Variants in ZNF451 observed in about 807,000 individuals in gnomAD.
ZNF451 encodes the protein E3 SUMO-protein ligase ZNF451.
In ZNF451, 80 loss-of-function variants were observed where a neutral mutation model predicts 107.1. The observed-to-expected ratio is 0.75, with a 90% confidence interval of 0.62 to 0.90. ZNF451 has a LOEUF of 0.90. Ranked by LOEUF, ZNF451 falls within the 40% of genes least tolerant of loss-of-function variation. The pLI is 0.00. For missense variants in ZNF451, 1,107 were observed against 1,236.2 expected (o/e 0.90, Z 1.57); for synonymous variants, 362 against 406.5 (o/e 0.89, Z 1.32).
At chr6:57,124,893 T>TA in intron 4 of ZNF451, 34 bp downstream of exon 4, 3 of 1,313,140 alleles carry the variant, frequency 2.3e-6, no homozygotes, top group Non-Finnish European at 3.0e-6. Flanking sequence ...TTTATATAAT[T>TA]AAAAAATTAT....
At position 57,106,392 on chromosome 6, in the gene ZNF451, C is replaced by G. The variant is rs1303886028; in HGVS notation, c.186+7251C>G. On this transcript the variant is annotated intron_variant, in intron 3 of 14. Transcript: ENST00000370706. Reference sequence around the variant, plus strand: ...TGGCACGATCTTGGCTGACTGCAACCGCCACCTCCCGGGTTCAAGCAATTC... The same window carrying G: ...TGGCACGATCTTGGCTGACTGCAACGGCCACCTCCCGGGTTCAAGCAATTC... The G allele has an allele frequency of 3.8e-6, 3 of 780,528 alleles. No individual in the cohort carries two copies. The African/African-American group carries it at 5.7e-5, about 15-fold the overall frequency. 48.4% of individuals were successfully genotyped at this position (780,528 alleles called of 1,614,324 possible).
chr6:57,138,741 A>ATATGTGTGTG (rs1365084616), intron 7 of ZNF451, among the ~76,000 whole-genome samples: 4 of 46,588 alleles, frequency 8.6e-5, no homozygotes, highest in Non-Finnish European at 1.1e-4. Context: ...ATATATATAT[A>ATATGTGTGTG]TGTGTGTGTG....
At chr6:57,152,158 A>G (rs1832380667) in intron 11 of ZNF451, 63 bp from the exon 12 acceptor site, 1 of 1,525,666 alleles carries the variant, frequency 6.6e-7, no homozygotes. Context: ...TTTTTTCTTG[A>G]TAAAATTTTT....
At chr6:57,150,908 A>G (rs773417479) in intron 11 of ZNF451, 46 bp downstream of exon 11, 28 of 1,609,164 alleles carry the variant, frequency 1.7e-5, no homozygotes, top group Admixed American at 1.2e-4. Flanking sequence ...CCCACCTCTT[A>G]GAATATAGTT....
At chr6:57,159,534 T>A in intron 13 of ZNF451, 1 of 366,616 alleles carries the variant, frequency 2.7e-6, no homozygotes, top group Non-Finnish European at 3.8e-6. Flanking sequence ...AGTTTTTTTT[T>A]TTTTTTTTTT....
chr6:57,117,985 C>T (rs1210525612), intron 3 of ZNF451, among the ~76,000 whole-genome samples: 3 of 152,100 alleles, frequency 2.0e-5, no homozygotes, highest in East Asian at 3.9e-4. Flanking sequence ...ACAGGAATTT[C>T]GGAGAGATGA....
intron 3 of ZNF451, chr6:57,102,460 T>C (rs1829653380): frequency 1.0e-6 from 1 of 999,208 alleles, no homozygotes; most frequent in Non-Finnish European, 1.2e-6. Context: ...AACTGAGGAC[T>C]AGCAGATTTT....
chr6:57,122,123 AAAC>A (rs1033000093), intron 3 of ZNF451, among the ~76,000 whole-genome samples: 2 of 150,012 alleles, frequency 1.3e-5, no homozygotes, highest in African/African-American at 5.1e-5. Context: ...CGACAAAAAT[AAAC>A]AATCGAGAAA....
At position 57,134,856 on chromosome 6, in the gene ZNF451, C is replaced by G; in HGVS notation, c.688C>G (p.His230Asp). 1 of 1,606,534 alleles carries G rather than the reference C, an allele frequency of 6.2e-7. No homozygotes were observed. Among genetic ancestry groups the G allele is most frequent in the Non-Finnish European group, 8.5e-7 (1 of 1,175,130 alleles). The change falls in exon 7 of 15, where the codon CAC (histidine) becomes GAC (aspartate). Residue 230 changes from histidine to aspartate, a missense_variant. By Grantham distance (81) the His-to-Asp change is moderately conservative. Coordinates refer to ENST00000370706, the MANE Select transcript of ZNF451 (RefSeq NM_001031623.3). Reference sequence around the variant, plus strand: ...TGTTACTCAACAACAATATAGAGATCACCTTTTTGATAAGGTAAGAGCATG... The same window carrying G: ...TGTTACTCAACAACAATATAGAGATGACCTTTTTGATAAGGTAAGAGCATG... ...KFVTQQQYRD[H>D]LFDKEATDDG...
At chr6:57,103,752 T>C in intron 3 of ZNF451, 2 of 985,284 alleles carry the variant, frequency 2.0e-6, no homozygotes, top group Non-Finnish European at 2.4e-6. Context: ...TGTTTTACGG[T>C]TTATGTGGCT....
At chr6:57,105,283 C>T in intron 3 of ZNF451, 1 of 984,714 alleles carries the variant, frequency 1.0e-6, no homozygotes, top group Non-Finnish European at 1.2e-6. Flanking sequence ...CTTGATTCTT[C>T]AAAATGTTAT....
chr6:57,148,490 A>C lies in ZNF451; in HGVS notation c.2405A>C (p.Glu802Ala). The change falls in exon 10 of 15, where the codon GAG becomes GCG. Residue 802 changes from glutamate to alanine, a missense_variant. Around this residue, in one of 5 missense-constraint regions of ZNF451, gnomAD observed 608 missense variants for 649.2 expected, o/e 0.94. Transcript: ENST00000370706. Reference sequence around the variant, plus strand: ...TGCACCAAAGCATTTCATGATCCTGAGAGTGCACAGCAGCATTTCCATAGA... The same window carrying C: ...TGCACCAAAGCATTTCATGATCCTGCGAGTGCACAGCAGCATTTCCATAGA... The part of the protein sequence containing the change: ...GTCTKAFHDP[E>A]SAQQHFHRKH... 1 of 1,614,166 alleles carries C rather than the reference A, an allele frequency of 6.2e-7. No individual in the cohort carries two copies.
chr6:57,141,832 A>G (rs1831779159), intron 8 of ZNF451, 116 bp from the exon 9 acceptor site: 1 of 918,768 alleles, frequency 1.1e-6, no homozygotes, highest in Admixed American at 2.7e-5. Flanking sequence ...TTTATTGCCA[A>G]AATAACTGTC....
Position 57,153,976 on chromosome 6 carries a change from T to A in ZNF451, c.2999T>A (p.Ile1000Lys). 5 of 1,614,234 alleles carry A rather than the reference T, an allele frequency of 3.1e-6. No individual in the cohort carries two copies. The highest frequency in any genetic ancestry group is 4.2e-6 in the Non-Finnish European group (5 of 1,180,036). The part of the protein sequence containing the change: ...QFKKTQRPAH[I>K]LNPHHLEGDM... ...AAGAAGACTCAGAGGCCAGCTCATA[T>A]ACTAAACCCTCACCACTTAGAGGGA... The change falls in exon 13 of 15, where the codon ATA (isoleucine) becomes AAA (lysine). Residue 1000 changes from isoleucine (I) to lysine (K), a missense_variant. By Grantham distance (102) the Ile-to-Lys change is moderately radical. Transcript: ENST00000370706.
rs979088196 is a variant in ZNF451 at position 57,169,949 on chromosome 6, TG to T, written c.*1485del. 3 of 152,120 alleles carry T rather than the reference TG, an allele frequency of 2.0e-5. No homozygotes were observed. The highest frequency in any genetic ancestry group is 7.2e-5 in the African/African-American group (3 of 41,410). 9.4% of individuals were successfully genotyped at this position (152,120 alleles called of 1,614,324 possible). On this transcript the variant is annotated 3_prime_UTR_variant, in exon 15 of 15. Coordinates refer to ENST00000370706, the MANE Select transcript of ZNF451 (RefSeq NM_001031623.3). ...AGAAAGAAGAGTAGTTAAGCAGATGTGGGGGCAGGGCAAGAGGAGACAGCAC... is the reference window on the plus strand; with the variant it reads ...AGAAAGAAGAGTAGTTAAGCAGATGTGGGGCAGGGCAAGAGGAGACAGCAC...
intron 8 of ZNF451, 90 bp from the exon 9 acceptor site, chr6:57,141,858 C>T: frequency 1.8e-6 from 2 of 1,119,258 alleles, no homozygotes; most frequent in Non-Finnish European, 1.2e-6. Context: ...TTACTTACTC[C>T]AACTAATGTT....
rs201438302 is a variant in ZNF451, at chr6:57,150,501, T to C, written c.2609-218T>C. ...AGAAAATGTTTGCAAGAAGGATATA[T>C]AACCAAAATTGGTGAAATGTTCAGA... On this transcript the variant is annotated intron_variant, in intron 10 of 14. Coordinates refer to ENST00000370706, the MANE Select transcript of ZNF451 (RefSeq NM_001031623.3). 3.8e-5 allele frequency: 15 copies of C among 396,578 alleles called. No homozygotes were observed. In the East Asian group the frequency reaches 5.8e-4, roughly 15 times the overall value. 24.6% of individuals were successfully genotyped at this position (396,578 alleles called of 1,614,324 possible). A position where few individuals can be genotyped will look rare whatever the true frequency, so the allele number is the denominator to read the frequency against.
At chr6:57,157,754 G>A (rs1763496042) in intron 13 of ZNF451, among the ~76,000 whole-genome samples, 1 of 152,034 alleles carries the variant, frequency 6.6e-6, no homozygotes, top group Admixed American at 6.6e-5. Context: ...AGAGAAGCCA[G>A]GTAGACTTTC....
At chr6:57,111,236 C>T (rs1214425993) in intron 3 of ZNF451, among the ~76,000 whole-genome samples, 1 of 150,814 alleles carries the variant, frequency 6.6e-6, no homozygotes, top group Non-Finnish European at 1.5e-5. Context: ...CCCACTTTTA[C>T]TTTTATTTTC....
Sources: allele counts gnomAD v4.1 joint callset (sites outside exome capture counted in the v4.1 genomes callset), GRCh38; gene constraint gnomAD v4.1.1; regional missense constraint gnomAD v4.1.1; transcripts MANE v1.5; gene names NCBI Gene and HGNC (gene_info 2026-07-23, HGNC 2026-07-21).